PHACTR2: variants seen among roughly 807,000 people sequenced by gnomAD.
The protein encoded by PHACTR2 is phosphatase and actin regulator 2.
A neutral mutation model predicts 76.0 loss-of-function variants in PHACTR2; 30 were observed. The observed-to-expected ratio is 0.39, with a 90% CI of 0.30 to 0.54. PHACTR2 has a LOEUF of 0.54. Among genes scored for constraint, PHACTR2 ranks in the 20% least tolerant of loss-of-function variants. The pLI, the probability that PHACTR2 is intolerant of heterozygous loss-of-function variation, is 0.61. For missense variants in PHACTR2, 696 were observed against 781.1 expected (o/e 0.89, Z 1.30); for synonymous variants, 292 against 292.5 (o/e 1.00, Z 0.02).
chr6:143,717,346 A>G (rs918307748), intron 2 of PHACTR2, among the ~76,000 whole-genome samples: 6 of 152,160 alleles, frequency 3.9e-5, no homozygotes, highest in Non-Finnish European at 7.3e-5. Flanking sequence ...CTGTTAGGAC[A>G]TGTTTATTTT....
At chr6:143,555,979 A>G (rs1775167880) in intron 1 of PHACTR2, among the ~76,000 whole-genome samples, 1 of 148,922 alleles carries the variant, frequency 6.7e-6, no homozygotes, top group East Asian at 2.0e-4. Context: ...TAAATTTGCT[A>G]TTTCACAATT....
At chr6:143,718,823 G>T (rs1352408839) in intron 2 of PHACTR2, among the ~76,000 whole-genome samples, 1 of 151,568 alleles carries the variant, frequency 6.6e-6, no homozygotes, top group Non-Finnish European at 1.5e-5. Flanking sequence ...ATAAATGACA[G>T]CATTTTGATT....
At position 143,589,700 on chromosome 6, in the gene PHACTR2, CT is replaced by C. The variant is rs1390271517; in HGVS notation, c.217+52494del. On this transcript the variant is annotated intron_variant, in intron 1 of 11. Transcript: ENST00000367584. This position sits in a 1 kb window ranked among gnomAD's most constrained non-coding sequence, Gnocchi z 4.4. ...AACAGCTTCATTTTAATACCATCAT[CT>C]CTTTTAAAGGCCCTATCTCCAAATA... is the stretch of plus-strand genomic sequence containing the variant. Among the ~76,000 whole-genome samples the C allele has an allele frequency of 6.6e-6, 1 of 152,190 alleles. No individual in the cohort carries two copies. Among genetic ancestry groups the C allele is most frequent in the African/African-American group, 2.4e-5 (1 of 41,438 alleles).
upstream of PHACTR2, among the ~76,000 whole-genome samples, chr6:143,606,588 C>G (rs1208819071): frequency 6.6e-6 from 1 of 152,150 alleles, no homozygotes; most frequent in African/African-American, 2.4e-5. Flanking sequence ...CACATCTCAG[C>G]TTTGATGATG....
rs921133777 is a variant in PHACTR2 at position 143,764,030 on chromosome 6, G to GA, written c.695-1225dup. 9.2e-5 allele frequency among the ~76,000 whole-genome samples: 14 copies of GA among 152,276 alleles called. No individual in the cohort carries two copies. The East Asian group carries it at 2.3e-3, about 25-fold the overall frequency. On this transcript the variant is annotated intron_variant, in intron 5 of 12. Transcript: ENST00000440869. This position sits in a 1 kb window ranked among gnomAD's most constrained non-coding sequence, Gnocchi z 4.7. ...CATATATTTACTAAGATGACATAAA[G>GA]AAAAAAGTAGTTAATCTTTTTGTTT... is the stretch of plus-strand genomic sequence containing the variant.
rs1779221523 is a variant in PHACTR2 at position 143,753,060 on chromosome 6, T to TG, written c.296-694_296-693insG. On this transcript the variant is annotated intron_variant, in intron 3 of 12. Transcript: ENST00000440869. The surrounding 1 kb of genome is among the most constrained non-coding windows in gnomAD (Gnocchi z 4.6). ...CTTTGTGATTACTTTTTTATGTGTG[T>TG]TTTTTTTTTCTCGAATGTTTTCAAA... 2.7e-5 allele frequency among the ~76,000 whole-genome samples: 4 copies of TG among 149,210 alleles called. No individual in the cohort carries two copies. The Admixed American group carries it at 2.7e-4, about 10-fold the overall frequency.
rs1022049356 is a variant in PHACTR2 at position 143,791,681 on chromosome 6, C to T, written c.1845+2771C>T. ...TAACAAACAAGACATGTTAAATCTCCCACTATGTGGATTTTTTTTTTTACT... is the reference window on the plus strand; with the variant it reads ...TAACAAACAAGACATGTTAAATCTCTCACTATGTGGATTTTTTTTTTTACT... On this transcript the variant is annotated intron_variant, in intron 11 of 12. Coordinates refer to ENST00000440869, the MANE Select transcript of PHACTR2 (RefSeq NM_001100164.2). The surrounding 1 kb of genome is among the most constrained non-coding windows in gnomAD (Gnocchi z 4.7). 7.2e-5 allele frequency among the ~76,000 whole-genome samples: 11 copies of T among 151,914 alleles called. No homozygotes were observed. Among genetic ancestry groups the T allele is most frequent in the African/African-American group, 2.7e-4 (11 of 41,392 alleles).
At chr6:143,542,130 G>C (rs1057298292) in intron 1 of PHACTR2, among the ~76,000 whole-genome samples, 1 of 152,226 alleles carries the variant, frequency 6.6e-6, no homozygotes, top group South Asian at 2.1e-4. Flanking sequence ...CAGTACAAGA[G>C]GGTGCTGGAT....
chr6:143,686,903 A>G (rs1418515518), intron 1 of PHACTR2, among the ~76,000 whole-genome samples: 1 of 152,158 alleles, frequency 6.6e-6, no homozygotes, highest in South Asian at 2.1e-4. Flanking sequence ...AATTAAAGTC[A>G]TGAGCTCACC....
chr6:143,716,170 G>C (rs1417920840), intron 2 of PHACTR2, among the ~76,000 whole-genome samples: 1 of 152,168 alleles, frequency 6.6e-6, no homozygotes, highest in Non-Finnish European at 1.5e-5. Context: ...CTGGCAAATA[G>C]AGCAATGAGT....
At position 143,733,409 on chromosome 6, in the gene PHACTR2, A is replaced by G. The variant is rs1351738408; in HGVS notation, c.215-15576A>G. ...CTTATGTTAAACATTCAGTAAATGT[A>G]TATTGAATGAACGAATGAATGAATG... On this transcript the variant is annotated intron_variant, in intron 2 of 12. Coordinates refer to ENST00000440869, the MANE Select transcript of PHACTR2 (RefSeq NM_001100164.2). The surrounding 1 kb of genome is among the most constrained non-coding windows in gnomAD (Gnocchi z 4.0). 6.6e-6 allele frequency among the ~76,000 whole-genome samples: 1 copy of G among 152,246 alleles called. No homozygotes were observed. The highest frequency in any genetic ancestry group is 2.4e-5 in the African/African-American group (1 of 41,464).
intron 2 of PHACTR2, among the ~76,000 whole-genome samples, chr6:143,746,460 C>G (rs930807311): frequency 7.2e-5 from 11 of 152,166 alleles, no homozygotes; most frequent in Admixed American, 2.0e-4. Context: ...GAGAATGTGG[C>G]CCGATCCCTA....
chr6:143,732,582 T>A (rs534521081), intron 2 of PHACTR2, among the ~76,000 whole-genome samples: 2 of 152,352 alleles, frequency 1.3e-5, no homozygotes, highest in African/African-American at 4.8e-5. Context: ...GCTGTGTGCA[T>A]TTGTATATAA....
chr6:143,752,871 A>G (rs1779216534), intron 3 of PHACTR2, among the ~76,000 whole-genome samples: 1 of 152,164 alleles, frequency 6.6e-6, no homozygotes, highest in Admixed American at 6.5e-5. Flanking sequence ...AATTTTCCAG[A>G]TATAAAGTAG....
At position 143,710,135 on chromosome 6, in the gene PHACTR2, G is replaced by A. The variant is rs1778142494; in HGVS notation, c.47-1881G>A. 6.6e-6 allele frequency among the ~76,000 whole-genome samples: 1 copy of A among 152,182 alleles called. No individual in the cohort carries two copies. Among genetic ancestry groups the A allele is most frequent in the Non-Finnish European group, 1.5e-5 (1 of 68,038 alleles). On this transcript the variant is annotated intron_variant, in intron 1 of 12. Coordinates refer to ENST00000440869, the MANE Select transcript of PHACTR2 (RefSeq NM_001100164.2). This position sits in a 1 kb window ranked among gnomAD's most constrained non-coding sequence, Gnocchi z 4.9. ...CCTGGTTATGTGGCTAGAGAGTGCA[G>A]ACGTTTGTGGTCTGTGCCCATTGGT...
At position 143,807,094 on chromosome 6, in the gene PHACTR2, C is replaced by A; in HGVS notation, c.1883C>A (p.Thr628Lys). The A allele has an allele frequency of 6.2e-7, 1 of 1,607,332 alleles. No homozygotes were observed. Among genetic ancestry groups the A allele is most frequent in the Non-Finnish European group, 8.5e-7 (1 of 1,175,534 alleles). Residue 628 changes from threonine (T) to lysine (K), a missense_variant, in exon 12 of 13, where the codon ACA becomes AAA. This residue lies in a region of PHACTR2 where 236 missense variants were observed against 330.2 expected (regional missense o/e 0.71). Coordinates refer to ENST00000440869, the MANE Select transcript of PHACTR2 (RefSeq NM_001100164.2). The surrounding 1 kb of genome is among the most constrained non-coding windows in gnomAD (Gnocchi z 5.5). ...IRKELNEFKS[T>K]EMEVHEESRQ... ...AAAGAACTAAATGAATTTAAAAGCA[C>A]AGAAATGGAAGTTCATGAAGAGAGT...
In PHACTR2 at chr6:143,539,498, C is replaced by G. The variant is rs149420509; in HGVS notation, c.217+2291C>G. Among the ~76,000 whole-genome samples, 1,407 of 152,282 alleles carry G rather than the reference C, an allele frequency of 9.2e-3. 8 individuals are homozygous for G. The highest frequency in any genetic ancestry group is 0.013 in the Non-Finnish European group (917 of 68,020). On this transcript the variant is annotated intron_variant, in intron 1 of 11. Transcript: ENST00000367584. This position sits in a 1 kb window ranked among gnomAD's most constrained non-coding sequence, Gnocchi z 4.3. ...GCCTCTGCAGCCTCTGTAAGCCATG[C>G]AGGATGGATCTGAGAATCAGCAAGA... is the stretch of plus-strand genomic sequence containing the variant.
chr6:143,812,610 T>G (rs566320176), intron 12 of PHACTR2, among the ~76,000 whole-genome samples: 4 of 152,330 alleles, frequency 2.6e-5, no homozygotes, highest in Admixed American at 2.6e-4. Flanking sequence ...TTGGAATGGA[T>G]GCTAGGGCAA....
chr6:143,797,107 T>C (rs557721649), intron 11 of PHACTR2, among the ~76,000 whole-genome samples: 1 of 152,344 alleles, frequency 6.6e-6, no homozygotes, highest in African/African-American at 2.4e-5. Flanking sequence ...CCATTCTAAC[T>C]GGCATGAGAT....
Sources: allele counts gnomAD v4.1 joint callset (sites outside exome capture counted in the v4.1 genomes callset), GRCh38; gene constraint gnomAD v4.1.1; regional missense constraint gnomAD v4.1.1; non-coding constraint Gnocchi (gnomAD v3.1); transcripts MANE v1.5; gene names NCBI Gene and HGNC (gene_info 2026-07-23, HGNC 2026-07-21).